The following SOCS2 variants were observed in gnomAD, a reference collection of about 807,000 sequenced individuals.
SOCS2 encodes the protein CIS-2.
SOCS2 carries 10 observed loss-of-function variants against 18.6 expected under a neutral mutation model. The observed-to-expected ratio is 0.54, with a 90% CI of 0.33 to 0.91. The LOEUF is 0.91. Among genes scored for constraint, SOCS2 ranks in the 40% least tolerant of loss-of-function variants. The probability of loss-of-function intolerance (pLI) is 0.02; values close to 1 mark genes in which losing one functional copy is unlikely to be tolerated. For missense variants in SOCS2, 231 were observed against 247.2 expected (o/e 0.93, Z 0.44); for synonymous variants, 104 against 104.0 (o/e 1.00, Z 0.00).
the SOCS2 span, among the ~76,000 whole-genome samples, chr12:93,590,029 G>A: frequency 1.3e-5 from 2 of 152,098 alleles, no homozygotes; most frequent in South Asian, 2.1e-4. Flanking sequence ...CAAGGTGAGC[G>A]GATCATGAGG....
At chr12:93,578,619 T>A (rs957938992), downstream of SOCS2, among the ~76,000 whole-genome samples, 1 of 151,846 alleles carries the variant, frequency 6.6e-6, no homozygotes, top group South Asian at 2.1e-4. Context: ...ACTTTTTAGA[T>A]CACATATTAT....
At chr12:93,571,798 G>A (rs887951365), upstream of SOCS2, 9 of 405,506 alleles carry the variant, frequency 2.2e-5, no homozygotes, top group East Asian at 9.7e-5. Flanking sequence ...AAGGGCAGAC[G>A]CCCCTCCTCT....
the SOCS2 span, among the ~76,000 whole-genome samples, chr12:93,597,335 C>CTT: frequency 6.7e-6 from 1 of 148,834 alleles, no homozygotes; most frequent in Non-Finnish European, 1.5e-5. Flanking sequence ...TTTCAAATCC[C>CTT]TTTTTTTTTT....
downstream of SOCS2, among the ~76,000 whole-genome samples, chr12:93,580,340 A>T (rs569262453): frequency 6.6e-6 from 1 of 152,252 alleles, no homozygotes; most frequent in South Asian, 2.1e-4. Context: ...AATCCATGTT[A>T]GCCAGGCACA....
At chr12:93,573,979 T>C (rs3782415) in intron 1 of SOCS2, 30,209 of 152,000 alleles carry the variant, frequency 0.2, 3,536 homozygotes, top group East Asian at 0.42. Flanking sequence ...GCAGGGGAGA[T>C]GGATGGTTGT....
the SOCS2 span, among the ~76,000 whole-genome samples, chr12:93,620,479 G>A: frequency 1.3e-5 from 2 of 151,796 alleles, no homozygotes; most frequent in African/African-American, 2.4e-5. Context: ...GCAGTGGCAC[G>A]ATCTCGACTC....
downstream of SOCS2, among the ~76,000 whole-genome samples, chr12:93,579,451 A>AT (rs372414615): frequency 0.031 from 4,673 of 149,780 alleles, 245 homozygotes; most frequent in African/African-American, 0.11. Context: ...TGTTATGGGC[A>AT]TTTTTTTTTT....
chr12:93,599,493 T>C, the SOCS2 span, among the ~76,000 whole-genome samples: 236 of 152,318 alleles, frequency 1.5e-3, no homozygotes, highest in South Asian at 0.013. Flanking sequence ...AGGATTTCTT[T>C]ACATATTCCA....
rs1489210790 is a variant in SOCS2 at position 93,576,551 on chromosome 12, G to A, written c.*1372G>A. On this transcript the variant is annotated 3_prime_UTR_variant, in exon 2 of 2. Coordinates refer to ENST00000551556, the MANE Select transcript of SOCS2 (RefSeq NM_001270471.2). ...CTAAAGAAAAATACAAAGTTTTGTG[G>A]CCACTTATTTTTTGCTATGTTAGTC... is the stretch of plus-strand genomic sequence containing the variant. The A allele has an allele frequency of 6.6e-6, 1 of 152,120 alleles. No individual in the cohort carries two copies. The highest frequency in any genetic ancestry group is 2.4e-5 in the African/African-American group (1 of 41,426). 9.4% of individuals were successfully genotyped at this position (152,120 alleles called of 1,614,324 possible).
At chr12:93,602,530 C>G in the SOCS2 span, among the ~76,000 whole-genome samples, 62 of 152,220 alleles carry the variant, frequency 4.1e-4, no homozygotes, top group Non-Finnish European at 6.9e-4. Context: ...CACATGTACT[C>G]CAGGAAATGG....
the SOCS2 span, among the ~76,000 whole-genome samples, chr12:93,591,176 T>G: frequency 1.6e-4 from 24 of 151,796 alleles, no homozygotes; most frequent in Non-Finnish European, 7.4e-5. Flanking sequence ...GACTTGACAT[T>G]TAATCACTAG....
At chr12:93,610,916 C>G in the SOCS2 span, among the ~76,000 whole-genome samples, 1 of 152,132 alleles carries the variant, frequency 6.6e-6, no homozygotes. Flanking sequence ...TAGGAATGGA[C>G]TAAGACACAC....
At chr12:93,613,518 C>T in the SOCS2 span, among the ~76,000 whole-genome samples, 4 of 152,262 alleles carry the variant, frequency 2.6e-5, no homozygotes, top group South Asian at 2.1e-4. Flanking sequence ...ATACTGTCTC[C>T]GAGCCTTAGT....
At chr12:93,588,670 G>C in the SOCS2 span, among the ~76,000 whole-genome samples, 11 of 150,708 alleles carry the variant, frequency 7.3e-5, no homozygotes, top group Non-Finnish European at 1.5e-4. Flanking sequence ...AGACTAGACT[G>C]CAATGGCATG....
the SOCS2 span, among the ~76,000 whole-genome samples, chr12:93,614,601 T>TTCTTTCTTTCTC: frequency 8.2e-6 from 1 of 122,072 alleles, no homozygotes; most frequent in African/African-American, 3.5e-5. Flanking sequence ...CTTTCTTTCT[T>TTCTTTCTTTCTC]TCTTTCTTTC....
At chr12:93,587,691 A>AG (rs1345344029), downstream of SOCS2, among the ~76,000 whole-genome samples, 1 of 151,948 alleles carries the variant, frequency 6.6e-6, no homozygotes, top group East Asian at 1.9e-4. Context: ...AAAAAAAAAA[A>AG]AAAAAAAAGT....
downstream of SOCS2, among the ~76,000 whole-genome samples, chr12:93,579,310 G>T (rs372369475): frequency 3.3e-5 from 5 of 152,216 alleles, no homozygotes; most frequent in African/African-American, 9.6e-5. Flanking sequence ...TCCAGTGAAA[G>T]AGGATAATTA....
At chr12:93,600,150 T>A in the SOCS2 span, among the ~76,000 whole-genome samples, 1 of 152,214 alleles carries the variant, frequency 6.6e-6, no homozygotes, top group African/African-American at 2.4e-5. Flanking sequence ...AAAAAATTAA[T>A]AAATGGAGAT....
chr12:93,580,887 G>C (rs1954531100), downstream of SOCS2, among the ~76,000 whole-genome samples: 1 of 152,334 alleles, frequency 6.6e-6, no homozygotes, highest in South Asian at 2.1e-4. Context: ...ATAAGAGGCA[G>C]AGAGACTGGG....
Sources: allele counts gnomAD v4.1 joint callset (sites outside exome capture counted in the v4.1 genomes callset), GRCh38; gene constraint gnomAD v4.1.1; transcripts MANE v1.5; gene names NCBI Gene and HGNC (gene_info 2026-07-23, HGNC 2026-07-21).